Variants in EFR3B observed in about 807,000 individuals in gnomAD.
The protein encoded by EFR3B is EFR3 homolog B.
In EFR3B, 64 loss-of-function variants were observed where a neutral mutation model predicts 104.7. That is an observed-to-expected ratio of 0.61 (90% CI 0.50 to 0.75). EFR3B has a LOEUF of 0.75. Ranked by LOEUF, EFR3B falls within the 30% of genes least tolerant of loss-of-function variation. EFR3B has a pLI of 0.00. For synonymous variants in EFR3B, 385 were observed against 417.9 expected (o/e 0.92, Z 0.96); for missense variants, 750 against 1,078.5 (o/e 0.70, Z 4.27).
At chr2:25,128,757 G>T (rs562160934) in intron 6 of EFR3B, among the ~76,000 whole-genome samples, 1 of 151,626 alleles carries the variant, frequency 6.6e-6, no homozygotes, top group East Asian at 1.9e-4. Context: ...AGGAGATCGA[G>T]ACCATCCTGG....
rs960569532 is a variant in EFR3B at position 25,139,152 on chromosome 2, C to T, written c.1816C>T (p.Leu606Phe). 4.5e-6 allele frequency: 7 copies of T among 1,551,578 alleles called. No homozygotes were observed. The East Asian group carries it at 1.2e-4, about 27-fold the overall frequency. The change falls in exon 16 of 23, where the codon CTC becomes TTC. Residue 606 changes from leucine (L) to phenylalanine (F), a missense_variant. Transcript: ENST00000403714. ...AGCCTACCTGAACCTCATCAGTCAG[C>T]TCACAACAGTGCCTGCCTTCTGCCA... ...GAAYLNLISQ[L>F]TTVPAFCQHI...
In EFR3B at chr2:25,054,431, C is replaced by G. The variant is rs376284380; in HGVS notation, c.7+12112C>G. On this transcript the variant is annotated intron_variant, in intron 1 of 22. Transcript: ENST00000403714. ...CTGCCTCCCAGGTTCAAGCGATTCT[C>G]CTGCCCCAGCCTCCCAAGTAGCTGG... is the stretch of plus-strand genomic sequence containing the variant. 5.9e-5 allele frequency among the ~76,000 whole-genome samples: 9 copies of G among 151,944 alleles called. No individual in the cohort carries two copies. In the East Asian group the frequency reaches 1.5e-3, roughly 26 times the overall value.
intron 1 of EFR3B, among the ~76,000 whole-genome samples, chr2:25,051,761 G>A (rs977516382): frequency 1.3e-5 from 2 of 149,990 alleles, no homozygotes; most frequent in South Asian, 2.1e-4. Context: ...TCAGCCTCCC[G>A]AGTAGCTGGG....
chr2:25,151,508 G>A (rs1573241708), intron 20 of EFR3B, among the ~76,000 whole-genome samples: 2 of 152,040 alleles, frequency 1.3e-5, no homozygotes, highest in South Asian at 2.1e-4. Context: ...CTCCTGCCTC[G>A]GCCTCCCAAA....
At position 25,158,953 on chromosome 2, in the gene EFR3B, C is replaced by A. The variant is rs1205972843; in HGVS notation, c.*4613C>A. The A allele has an allele frequency of 6.6e-6, 1 of 152,020 alleles. No individual in the cohort carries two copies. The highest frequency in any genetic ancestry group is 1.9e-4 in the East Asian group (1 of 5,194). 9.4% of individuals were successfully genotyped at this position (152,020 alleles called of 1,614,324 possible). A position where few individuals can be genotyped will look rare whatever the true frequency, so the allele number is the denominator to read the frequency against. Reference sequence around the variant, plus strand: ...GTGAGTGCAGAATTAGTGCCCGTGGCGGTTTTCTGTATTTTAAACCCATTG... The same window carrying A: ...GTGAGTGCAGAATTAGTGCCCGTGGAGGTTTTCTGTATTTTAAACCCATTG... On this transcript the variant is annotated 3_prime_UTR_variant, in exon 23 of 23. Transcript: ENST00000403714.
intron 1 of EFR3B, among the ~76,000 whole-genome samples, chr2:25,087,864 C>T (rs574557867): frequency 2.0e-5 from 3 of 152,254 alleles, no homozygotes; most frequent in East Asian, 3.9e-4. Flanking sequence ...AAGAAGTCAT[C>T]GCCAAAAGCG....
At chr2:25,147,318 G>T (rs1175888621) in intron 19 of EFR3B, 1 of 152,268 alleles carries the variant, frequency 6.6e-6, no homozygotes, top group Non-Finnish European at 1.5e-5. Flanking sequence ...CAGAGGATAA[G>T]TCCTCAGAGC....
chr2:25,129,877 G>A (rs957870252), intron 6 of EFR3B, 98 bp from the exon 7 acceptor site: 4 of 1,460,816 alleles, frequency 2.7e-6, no homozygotes, highest in Non-Finnish European at 3.7e-6. Context: ...TCAAATTCCT[G>A]CTTGTCTTGT....
chr2:25,085,309 A>C (rs1411817594), intron 1 of EFR3B, among the ~76,000 whole-genome samples: 1 of 152,218 alleles, frequency 6.6e-6, no homozygotes, highest in Admixed American at 6.5e-5. Flanking sequence ...TGACAGAAGC[A>C]GGACTTAAAC....
rs1387507726 is a variant in EFR3B, at chr2:25,133,189, CACCAATAACCACCTCCCA to C, written c.1259+178_1260-174del. ...GATCCCACAGTTTCTCAGGCTGCCC[CACCAATAACCACCTCCCA>C]ACGTGGGGGGAGCCAGTCATCTCTT... On this transcript the variant is annotated intron_variant, in intron 11 of 22. Coordinates refer to ENST00000403714, the MANE Select transcript of EFR3B (RefSeq NM_014971.2). Among the ~76,000 whole-genome samples the C allele has an allele frequency of 2.6e-5, 4 of 152,182 alleles. No homozygotes were observed. The East Asian group carries it at 7.7e-4, about 29-fold the overall frequency.
chr2:25,134,670 T>C (rs1431037450), intron 12 of EFR3B, among the ~76,000 whole-genome samples: 1 of 152,038 alleles, frequency 6.6e-6, no homozygotes, highest in South Asian at 2.1e-4. Context: ...TCCACACTCT[T>C]CATGGCACTA....
At chr2:25,119,701 TCTC>T (rs1669961806) in intron 4 of EFR3B, among the ~76,000 whole-genome samples, 1 of 152,216 alleles carries the variant, frequency 6.6e-6, no homozygotes, top group Non-Finnish European at 1.5e-5. Context: ...GAAGGAAAGA[TCTC>T]CTTATTTGCT....
At chr2:25,079,379 A>G (rs954605895) in intron 1 of EFR3B, among the ~76,000 whole-genome samples, 7 of 152,172 alleles carry the variant, frequency 4.6e-5, no homozygotes, top group Admixed American at 1.3e-4. Flanking sequence ...TGGAAGAATT[A>G]GGGGAGTTTC....
chr2:25,049,025 T>G (rs1667796306), intron 1 of EFR3B, among the ~76,000 whole-genome samples: 1 of 152,250 alleles, frequency 6.6e-6, no homozygotes, highest in Non-Finnish European at 1.5e-5. Flanking sequence ...TTCCCTCGAC[T>G]GTAGCCCTTC....
At position 25,158,989 on chromosome 2, in the gene EFR3B, T is replaced by C. The variant is rs780049716; in HGVS notation, c.*4649T>C. On this transcript the variant is annotated 3_prime_UTR_variant, in exon 23 of 23. Coordinates refer to ENST00000403714, the MANE Select transcript of EFR3B (RefSeq NM_014971.2). Reference sequence around the variant, plus strand: ...ATTTTAAACCCATTGAATTGGTTAGTTTTATTTTAGGGAAGTGGGAAAGGC... The same window carrying C: ...ATTTTAAACCCATTGAATTGGTTAGCTTTATTTTAGGGAAGTGGGAAAGGC... 7.9e-5 allele frequency: 12 copies of C among 152,218 alleles called. No individual in the cohort carries two copies. Among genetic ancestry groups the C allele is most frequent in the Non-Finnish European group, 1.6e-4 (11 of 68,048 alleles). 9.4% of individuals were successfully genotyped at this position (152,218 alleles called of 1,614,324 possible). A position where few individuals can be genotyped will look rare whatever the true frequency, so the allele number is the denominator to read the frequency against.
intron 5 of EFR3B, among the ~76,000 whole-genome samples, chr2:25,125,163 C>A (rs1385640835): frequency 6.6e-6 from 1 of 152,206 alleles, no homozygotes; most frequent in Non-Finnish European, 1.5e-5. Flanking sequence ...CTGGGTGTCA[C>A]AGAATGAATC....
At chr2:25,076,804 G>T (rs2149177234) in intron 1 of EFR3B, among the ~76,000 whole-genome samples, 1 of 152,248 alleles carries the variant, frequency 6.6e-6, no homozygotes, top group Non-Finnish European at 1.5e-5. Context: ...ACCAAGATTG[G>T]CCGGAAACGG....
intron 1 of EFR3B, among the ~76,000 whole-genome samples, chr2:25,090,725 A>G (rs1357242670): frequency 6.6e-6 from 1 of 152,236 alleles, no homozygotes; most frequent in East Asian, 1.9e-4. Context: ...TGTTAATTTT[A>G]TCATAGTTGC....
At chr2:25,108,808 G>GGCCAACATTATGAAACCCCA (rs1669637443) in intron 4 of EFR3B, among the ~76,000 whole-genome samples, 2 of 129,096 alleles carry the variant, frequency 1.5e-5, no homozygotes, top group Non-Finnish European at 3.8e-5. Context: ...AGACCAGCCT[G>GGCCAACATTATGAAACCCCA]GCCAACATTA....
Sources: gnomAD v4.1 joint callset for allele counts (sites outside exome capture counted in the v4.1 genomes callset) on GRCh38, gnomAD v4.1.1 for gene constraint, MANE v1.5 for transcripts, NCBI Gene and HGNC (gene_info 2026-07-23, HGNC 2026-07-21) for gene names.